Variants in CACNB4 observed in about 807,000 individuals in gnomAD.
CACNB4 encodes voltage-dependent L-type calcium channel subunit beta-4.
CACNB4 carries 32 observed loss-of-function variants against 71.2 expected under a neutral mutation model. The observed-to-expected ratio is 0.45, with a 90% CI of 0.34 to 0.60. The LOEUF (loss-of-function observed/expected upper bound fraction) is 0.60, where lower values mean the gene tolerates loss of function less well. CACNB4 is among the 20% of genes least tolerant of loss of function. The probability of loss-of-function intolerance (pLI) is 0.01; values close to 1 mark genes in which losing one functional copy is unlikely to be tolerated. For synonymous variants in CACNB4, 231 were observed against 236.9 expected (o/e 0.97, Z 0.23); for missense variants, 464 against 647.9 (o/e 0.72, Z 3.08).
Position 151,872,513 on chromosome 2 carries a change from C to G in CACNB4, c.522-20G>C. ...GATTTCCTAGGATATAGAAAAGGAA[C>G]TAAAGACTCACTCCCCAGATTCTTT... On this transcript the variant is annotated intron_variant, in intron 5 of 13. Transcript: ENST00000539935. The G allele has an allele frequency of 3.7e-6, 5 of 1,347,780 alleles. No homozygotes were observed. The highest frequency in any genetic ancestry group is 5.3e-6 in the Non-Finnish European group (5 of 942,954). The allele number at this position is 1,347,780 out of a possible 1,614,324, so 83.5% of individuals were successfully genotyped here. A position where few individuals can be genotyped will look rare whatever the true frequency, so the allele number is the denominator to read the frequency against.
chr2:152,022,910 T>C (rs1262302222), intron 2 of CACNB4, among the ~76,000 whole-genome samples: 1 of 152,206 alleles, frequency 6.6e-6, no homozygotes, highest in East Asian at 1.9e-4. Context: ...TGACAATATT[T>C]ACACTTGGAA....
chr2:151,888,833 G>C (rs2099850019), intron 2 of CACNB4, among the ~76,000 whole-genome samples: 1 of 152,144 alleles, frequency 6.6e-6, no homozygotes, highest in Admixed American at 6.5e-5. Flanking sequence ...GATAACACAT[G>C]TACAACATAG....
At position 152,031,755 on chromosome 2, in the gene CACNB4, G is replaced by A. The variant is rs556910672; in HGVS notation, c.147+66575C>T. 1.1e-3 allele frequency among the ~76,000 whole-genome samples: 163 copies of A among 152,368 alleles called. 1 individual carries two copies. The highest frequency in any genetic ancestry group is 2.1e-3 in the Non-Finnish European group (142 of 68,036). On this transcript the variant is annotated intron_variant, in intron 2 of 13. Transcript: ENST00000539935. The stretch of plus-strand genomic sequence containing the variant: ...GTCAGCAGGGTCTCTGCTAGACCCT[G>A]AAGAGAGACCTGGAGTTAATGGTAG...
intron 2 of CACNB4, among the ~76,000 whole-genome samples, chr2:152,077,095 G>A (rs1323328018): frequency 1.3e-5 from 2 of 152,300 alleles, no homozygotes; most frequent in Non-Finnish European, 2.9e-5. Flanking sequence ...AAGTGCTAAG[G>A]CCTGGAGGCA....
chr2:151,865,598 C>A (rs555711830), intron 9 of CACNB4, among the ~76,000 whole-genome samples: 10 of 152,236 alleles, frequency 6.6e-5, no homozygotes, highest in Admixed American at 5.2e-4. Flanking sequence ...GCTGAACAAA[C>A]CTCATCCAAA....
chr2:151,856,990 G>C (rs565830721), intron 10 of CACNB4: 9 of 152,340 alleles, frequency 5.9e-5, no homozygotes, highest in African/African-American at 2.2e-4. Flanking sequence ...TGGCATCACA[G>C]GTGTGAGCCA....
intron 2 of CACNB4, among the ~76,000 whole-genome samples, chr2:151,900,991 C>CTTTTTT (rs869114252): frequency 2.2e-4 from 2 of 9,030 alleles, no homozygotes; most frequent in African/African-American, 5.3e-4. Context: ...TTCTTTCTTT[C>CTTTTTT]TTTTTTTTTT....
At chr2:151,856,152 T>A (rs1288149954) in intron 10 of CACNB4, among the ~76,000 whole-genome samples, 1 of 95,276 alleles carries the variant, frequency 1.0e-5, no homozygotes, top group Non-Finnish European at 1.9e-5. Context: ...AGCAATCCAG[T>A]TTTTTTTTTT....
chr2:151,869,276 CAGAG>C (rs143110116), intron 8 of CACNB4, 41 bp from the exon 9 acceptor site: 55 of 1,161,310 alleles, frequency 4.7e-5, no homozygotes, highest in South Asian at 9.4e-5. Flanking sequence ...CAAACACATG[CAGAG>C]AGAGAGAGAG....
At chr2:151,990,277 T>G (rs1681631992) in intron 2 of CACNB4, among the ~76,000 whole-genome samples, 1 of 152,234 alleles carries the variant, frequency 6.6e-6, no homozygotes, top group East Asian at 1.9e-4. Flanking sequence ...TTGCACTTCT[T>G]GTCCTAGGCT....
chr2:151,846,012 A>C (rs1047591734), intron 12 of CACNB4, among the ~76,000 whole-genome samples: 12 of 152,226 alleles, frequency 7.9e-5, no homozygotes, highest in African/African-American at 2.9e-4. Context: ...GAAGAAAGAA[A>C]GGGGAAGAAA....
intron 2 of CACNB4, among the ~76,000 whole-genome samples, chr2:152,009,833 C>T (rs11678745): frequency 0.057 from 8,739 of 152,290 alleles, 288 homozygotes; most frequent in Non-Finnish European, 0.077. Context: ...TGCTTTCTAA[C>T]TGGCTCCTCA....
At chr2:151,920,418 G>C (rs2099858714) in intron 2 of CACNB4, among the ~76,000 whole-genome samples, 1 of 149,272 alleles carries the variant, frequency 6.7e-6, no homozygotes, top group Non-Finnish European at 1.5e-5. Flanking sequence ...GACCTCTTGG[G>C]CTCAAGTGAT....
intron 2 of CACNB4, among the ~76,000 whole-genome samples, chr2:152,046,852 C>T (rs1411856383): frequency 3.9e-5 from 6 of 152,134 alleles, no homozygotes; most frequent in African/African-American, 7.2e-5. Flanking sequence ...TGTCTCCAGG[C>T]GCTACCACCC....
At chr2:152,068,043 A>G (rs891703953) in intron 2 of CACNB4, among the ~76,000 whole-genome samples, 3 of 152,170 alleles carry the variant, frequency 2.0e-5, no homozygotes, top group Non-Finnish European at 4.4e-5. Context: ...GGGGCTGAAA[A>G]TCAGGCTCAG....
At chr2:151,897,509 T>C (rs1448443910) in intron 2 of CACNB4, among the ~76,000 whole-genome samples, 2 of 152,346 alleles carry the variant, frequency 1.3e-5, no homozygotes, top group South Asian at 4.1e-4. Flanking sequence ...GGAAACTTTT[T>C]TGGACCAAAC....
intron 2 of CACNB4, among the ~76,000 whole-genome samples, chr2:151,931,884 A>G (rs1367279207): frequency 2.0e-5 from 3 of 152,234 alleles, no homozygotes; most frequent in Admixed American, 6.5e-5. Context: ...ATACCAGTAT[A>G]TTATGCAACT....
At chr2:151,941,055 C>T (rs2099864103) in intron 2 of CACNB4, among the ~76,000 whole-genome samples, 1 of 152,142 alleles carries the variant, frequency 6.6e-6, no homozygotes, top group African/African-American at 2.4e-5. Flanking sequence ...CTAGAGTCTA[C>T]AACTTAGAGT....
chr2:152,055,234 A>G (rs952886664), intron 2 of CACNB4, among the ~76,000 whole-genome samples: 1 of 152,008 alleles, frequency 6.6e-6, no homozygotes, highest in Admixed American at 6.6e-5. Flanking sequence ...CTGGTCTGGA[A>G]CTCCTGACCT....
Sources: gnomAD v4.1 joint callset for allele counts (sites outside exome capture counted in the v4.1 genomes callset) on GRCh38, gnomAD v4.1.1 for gene constraint, MANE v1.5 for transcripts, NCBI Gene and HGNC (gene_info 2026-07-23, HGNC 2026-07-21) for gene names.